C4BPA: variants seen among roughly 807,000 people sequenced by gnomAD.
C4BPA encodes complement component 4 binding protein alpha.
In C4BPA, 31 loss-of-function variants were observed where a neutral mutation model predicts 63.7. That is an observed-to-expected ratio of 0.49 (90% CI 0.37 to 0.66). The LOEUF (loss-of-function observed/expected upper bound fraction) is 0.66, where lower values mean the gene tolerates loss of function less well. Among genes scored for constraint, C4BPA ranks in the 30% least tolerant of loss-of-function variants. C4BPA has a pLI of 0.00. For synonymous variants in C4BPA, 259 were observed against 254.7 expected, an observed-to-expected ratio of 1.02 and a Z score of -0.16; for missense variants, 572 against 723.3, an observed-to-expected ratio of 0.79 and a Z score of 2.40.
chr1:207,114,192 T>A lies in C4BPA; in HGVS notation c.235T>A (p.Tyr79Asn). The A allele has an allele frequency of 1.2e-6, 2 of 1,613,824 alleles. No individual in the cohort carries two copies. The highest frequency in any genetic ancestry group is 1.7e-6 in the Non-Finnish European group (2 of 1,179,802). ...CTTCAAAACTGGAACTACTCTGAAA[T>A]ACACCTGCCTCCCTGGCTACGTCAG... ...TRFKTGTTLKYTCLPGYVRSH... is the reference protein window; with the variant it reads ...TRFKTGTTLKNTCLPGYVRSH... The change falls in exon 3 of 12, where the codon TAC becomes AAC. Residue 79 changes from tyrosine to asparagine, a missense_variant. Around this residue, in one of 2 missense-constraint regions of C4BPA, gnomAD observed 107 missense variants for 93.9 expected, o/e 1.14. Coordinates refer to ENST00000367070, the MANE Select transcript of C4BPA (RefSeq NM_000715.4).
chr1:207,117,700 T>A (rs1407454890), intron 4 of C4BPA, among the ~76,000 whole-genome samples: 1 of 152,188 alleles, frequency 6.6e-6, no homozygotes, highest in East Asian at 1.9e-4. Flanking sequence ...TTGTACAAAG[T>A]TTCTTTGTAC....
intron 6 of C4BPA, among the ~76,000 whole-genome samples, chr1:207,124,780 A>C (rs747659432): frequency 6.6e-6 from 1 of 152,164 alleles, no homozygotes; most frequent in Non-Finnish European, 1.5e-5. Context: ...CAGTCTCTTC[A>C]GTAGACGAAG....
intron 7 of C4BPA, among the ~76,000 whole-genome samples, chr1:207,129,976 G>A (rs946726191): frequency 6.6e-6 from 1 of 151,948 alleles, no homozygotes; most frequent in Non-Finnish European, 1.5e-5. Context: ...TTCTTGTGAT[G>A]TTATTGTCAA....
chr1:207,110,401 A>G (rs545305981), intron 1 of C4BPA, among the ~76,000 whole-genome samples: 14 of 152,212 alleles, frequency 9.2e-5, no homozygotes, highest in Admixed American at 1.3e-4. Context: ...ATCAAAGCCA[A>G]TTGAGTGAAT....
In C4BPA at chr1:207,137,774, G is replaced by A. The variant is rs574208966; in HGVS notation, c.1273+3182G>A. Among the ~76,000 whole-genome samples the A allele has an allele frequency of 3.3e-5, 5 of 151,846 alleles. 1 individual carries two copies. In the South Asian group the frequency reaches 1.0e-3, roughly 32 times the overall value. ...CTGGGATTACAGGCACATGCCACTG[G>A]GCCCAGCTAATTTTTGTATTTTTAG... is the stretch of plus-strand genomic sequence containing the variant. On this transcript the variant is annotated intron_variant, in intron 9 of 11. Coordinates refer to ENST00000367070, the MANE Select transcript of C4BPA (RefSeq NM_000715.4).
intron 6 of C4BPA, 31 bp from the exon 7 acceptor site, chr1:207,126,682 A>T (rs1217875188): frequency 6.4e-7 from 1 of 1,562,242 alleles, no homozygotes; most frequent in Non-Finnish European, 8.8e-7. Flanking sequence ...TATCTTTTAA[A>T]ATCCACTTGT....
At chr1:207,105,661 G>T (rs1361292005) in intron 1 of C4BPA, among the ~76,000 whole-genome samples, 3 of 151,948 alleles carry the variant, frequency 2.0e-5, no homozygotes, top group Admixed American at 2.0e-4. Flanking sequence ...TGAGAGCCCA[G>T]GTATAAGGAA....
chr1:207,121,432 T>G (rs1233733020), intron 4 of C4BPA, among the ~76,000 whole-genome samples: 2 of 124,002 alleles, frequency 1.6e-5, no homozygotes, highest in African/African-American at 5.3e-5. Context: ...GATATTAAAA[T>G]TATTATCTTT....
intron 1 of C4BPA, chr1:207,112,758 T>C (rs1684695765): frequency 2.5e-6 from 1 of 406,860 alleles, no homozygotes; most frequent in East Asian, 4.8e-5. Context: ...GCAGATGCAG[T>C]CTCCTCTGCA....
chr1:207,134,694 C>A, intron 9 of C4BPA, 102 bp downstream of exon 9: 1 of 762,106 alleles, frequency 1.3e-6, no homozygotes, highest in African/African-American at 1.8e-5. Flanking sequence ...ATTCATATAC[C>A]TTGCATGATT....
chr1:207,130,762 G>GA (rs542314449), intron 7 of C4BPA, among the ~76,000 whole-genome samples: 2 of 152,042 alleles, frequency 1.3e-5, no homozygotes, highest in Non-Finnish European at 2.9e-5. Flanking sequence ...AATCCATAAA[G>GA]AAAAAAATAG....
intron 3 of C4BPA, 55 bp downstream of exon 3, chr1:207,114,340 C>T (rs1684735955): frequency 7.3e-7 from 1 of 1,366,434 alleles, no homozygotes; most frequent in African/African-American, 1.5e-5. Context: ...GGAAAGTTGT[C>T]TCAGAAACTA....
chr1:207,144,074 C>T, intron 11 of C4BPA, 81 bp downstream of exon 11: 1 of 983,214 alleles, frequency 1.0e-6, no homozygotes, highest in African/African-American at 1.7e-5. Flanking sequence ...TACCACTCAA[C>T]AATGGTGAAA....
chr1:207,105,243 A>C (rs1379151445), intron 1 of C4BPA, among the ~76,000 whole-genome samples: 2 of 152,170 alleles, frequency 1.3e-5, no homozygotes, highest in African/African-American at 4.8e-5. Context: ...ATGAGCACAG[A>C]ATAAAGGGGC....
chr1:207,109,536 T>C (rs947793296), intron 1 of C4BPA, among the ~76,000 whole-genome samples: 12 of 152,336 alleles, frequency 7.9e-5, no homozygotes, highest in Admixed American at 4.6e-4. Context: ...GGTTCCCATG[T>C]GGTAGAGCCA....
chr1:207,123,452 G>A (rs1684961409), intron 4 of C4BPA, among the ~76,000 whole-genome samples: 3 of 152,096 alleles, frequency 2.0e-5, no homozygotes, highest in South Asian at 2.1e-4. Context: ...GCAGGAAGAC[G>A]AACTGAGGAA....
At chr1:207,140,089 T>C (rs1195220716) in intron 9 of C4BPA, among the ~76,000 whole-genome samples, 1 of 152,190 alleles carries the variant, frequency 6.6e-6, no homozygotes, top group Non-Finnish European at 1.5e-5. Flanking sequence ...ATTATAATGG[T>C]TGCATTTATT....
intron 4 of C4BPA, among the ~76,000 whole-genome samples, chr1:207,118,205 TATC>T (rs764155341): frequency 0.028 from 2,722 of 95,598 alleles, 59 homozygotes; most frequent in Middle Eastern, 0.06. Flanking sequence ...TCTATCTATC[TATC>T]ATCTGTCTAT....
At chr1:207,114,643 AC>A in intron 3 of C4BPA, 1 of 226,298 alleles carries the variant, frequency 4.4e-6, no homozygotes, top group Non-Finnish European at 8.6e-6. Context: ...ACAGGCGTGC[AC>A]CACCACACCT....
Sources: allele counts gnomAD v4.1 joint callset (sites outside exome capture counted in the v4.1 genomes callset), GRCh38; gene constraint gnomAD v4.1.1; regional missense constraint gnomAD v4.1.1; transcripts MANE v1.5; gene names NCBI Gene and HGNC (gene_info 2026-07-23, HGNC 2026-07-21).